The following RIN3 variants were observed in gnomAD, a reference collection of about 807,000 sequenced individuals.
The protein encoded by RIN3 is Ras and Rab interactor 3, also known as RAB5 interacting protein 3.
Under a neutral mutation model 76.3 loss-of-function variants are expected in RIN3, and 54 were observed. The ratio of observed to expected loss-of-function variants is 0.71; its 90% CI spans 0.57 to 0.89. The LOEUF is 0.89. Ranked by LOEUF, RIN3 falls within the 40% of genes least tolerant of loss-of-function variation. The pLI is 0.00. For synonymous variants in RIN3, 576 were observed against 564.0 expected (o/e 1.02, Z -0.30); for missense variants, 1,256 against 1,322.1 (o/e 0.95, Z 0.78).
chr14:92,686,908 G>C (rs560282767), intron 9 of RIN3: 1 of 152,368 alleles, frequency 6.6e-6, no homozygotes, highest in Non-Finnish European at 1.5e-5. Flanking sequence ...AGTGGGCCGG[G>C]CTTTTCCCCT....
chr14:92,674,143 G>A (rs118011308), intron 7 of RIN3, among the ~76,000 whole-genome samples: 21 of 152,240 alleles, frequency 1.4e-4, no homozygotes, highest in Non-Finnish European at 2.6e-4. Flanking sequence ...CGGGCACCTC[G>A]TTCTCCAACC....
At chr14:92,558,190 A>G (rs1897655023) in intron 2 of RIN3, among the ~76,000 whole-genome samples, 1 of 152,170 alleles carries the variant, frequency 6.6e-6, no homozygotes. Context: ...CTCTACAAAA[A>G]ATACAAAAAT....
intron 3 of RIN3, among the ~76,000 whole-genome samples, chr14:92,603,601 C>T (rs1885420814): frequency 6.6e-6 from 1 of 152,224 alleles, no homozygotes; most frequent in Admixed American, 6.5e-5. Flanking sequence ...GCTTTGGGCT[C>T]TGCCTGGAGC....
intron 1 of RIN3, among the ~76,000 whole-genome samples, chr14:92,543,632 T>C (rs1251983741): frequency 1.3e-5 from 2 of 149,506 alleles, no homozygotes; most frequent in African/African-American, 4.9e-5. Context: ...TTTTTTTTTT[T>C]TTTTTTTTTT....
chr14:92,682,055 G>T (rs147701002), intron 8 of RIN3, among the ~76,000 whole-genome samples: 1,839 of 151,976 alleles, frequency 0.012, 29 homozygotes, highest in African/African-American at 0.042. Context: ...CCCAGCTAAT[G>T]TTTGTATTTT....
chr14:92,641,074 T>C (rs1226498720), intron 4 of RIN3, among the ~76,000 whole-genome samples, 164 bp from the exon 5 acceptor site: 1 of 152,112 alleles, frequency 6.6e-6, no homozygotes, highest in East Asian at 1.9e-4. Flanking sequence ...AGAGTTGACT[T>C]GATGCTCCTT....
intron 2 of RIN3, among the ~76,000 whole-genome samples, chr14:92,564,526 G>A (rs932800835): frequency 1.3e-5 from 2 of 152,174 alleles, no homozygotes; most frequent in South Asian, 2.1e-4. Context: ...CCTTGCTATA[G>A]ACTGGAAAAA....
chr14:92,688,253 G>T lies in RIN3; in HGVS notation c.*1G>T. On this transcript the variant is annotated 3_prime_UTR_variant, in exon 10 of 10. Transcript: ENST00000216487. ...GGTGCGGGAGCCCAACTTCCTGTGA[G>T]GCCCTCCCGGGGCGCCTCCCCTCAC... 6.4e-7 allele frequency: 1 copy of T among 1,574,330 alleles called. No individual in the cohort carries two copies.
chr14:92,538,499 T>C lies in RIN3; in HGVS notation c.45-17252T>C, dbSNP rs1350840694. Among the ~76,000 whole-genome samples the C allele has an allele frequency of 2.6e-5, 4 of 152,202 alleles. No homozygotes were observed. The South Asian group carries it at 6.2e-4, about 24-fold the overall frequency. ...AGACACTGGAACACAAAGCTTGAGTTTGGGGGAGACCAGCATGTTACAGGC... is the reference window on the plus strand; with the variant it reads ...AGACACTGGAACACAAAGCTTGAGTCTGGGGGAGACCAGCATGTTACAGGC... On this transcript the variant is annotated intron_variant, in intron 1 of 9. Coordinates refer to ENST00000216487, the MANE Select transcript of RIN3 (RefSeq NM_024832.5).
chr14:92,535,748 C>T (rs1474143760), intron 1 of RIN3, among the ~76,000 whole-genome samples: 1 of 147,728 alleles, frequency 6.8e-6, no homozygotes, highest in African/African-American at 2.5e-5. Flanking sequence ...GACCTTGGCT[C>T]ACTGCAACCT....
At chr14:92,673,749 G>A (rs542456070) in intron 7 of RIN3, among the ~76,000 whole-genome samples, 1 of 152,160 alleles carries the variant, frequency 6.6e-6, no homozygotes, top group African/African-American at 2.4e-5. Flanking sequence ...CAGGTGATCC[G>A]CATGCGTCGG....
rs554901791 is a variant in RIN3 at position 92,648,324 on chromosome 14, C to G, written c.533-3258C>G. Among the ~76,000 whole-genome samples the G allele has an allele frequency of 6.6e-6, 1 of 152,288 alleles. No homozygotes were observed. The highest frequency in any genetic ancestry group is 1.9e-4 in the East Asian group (1 of 5,176). ...GGCCGAGAGCCTATTTGCCTGAACCCGTGTCTGCTCTGTTCCTGCCAAAAT... is the reference window on the plus strand; with the variant it reads ...GGCCGAGAGCCTATTTGCCTGAACCGGTGTCTGCTCTGTTCCTGCCAAAAT... On this transcript the variant is annotated intron_variant, in intron 5 of 9. Coordinates refer to ENST00000216487, the MANE Select transcript of RIN3 (RefSeq NM_024832.5). The surrounding 1 kb of genome is among the most constrained non-coding windows in gnomAD (Gnocchi z 4.1).
chr14:92,624,483 C>T (rs1474372003), intron 4 of RIN3, among the ~76,000 whole-genome samples: 1 of 152,152 alleles, frequency 6.6e-6, no homozygotes, highest in Non-Finnish European at 1.5e-5. Context: ...GGCTTTAGAA[C>T]CGCTAGCGGG....
chr14:92,667,908 C>G (rs1328206197), intron 7 of RIN3, among the ~76,000 whole-genome samples: 1 of 151,900 alleles, frequency 6.6e-6, no homozygotes, highest in Non-Finnish European at 1.5e-5. Context: ...GAGAGCTTTC[C>G]TTCTCCAAAA....
chr14:92,631,693 C>T lies in RIN3; in HGVS notation c.441-9545C>T, dbSNP rs1052845884. ...TGGGCTCACTGCATCCTCCACCTCC[C>T]GAGTTCAAGCGATTCTCCCGCCTCA... On this transcript the variant is annotated intron_variant, in intron 4 of 9. Coordinates refer to ENST00000216487, the MANE Select transcript of RIN3 (RefSeq NM_024832.5). 3.9e-5 allele frequency among the ~76,000 whole-genome samples: 6 copies of T among 152,152 alleles called. No homozygotes were observed. In the East Asian group the frequency reaches 7.8e-4, roughly 20 times the overall value.
Position 92,590,139 on chromosome 14 carries a change from G to C in RIN3, c.367+12662G>C, listed in dbSNP as rs543411836. ...CATCTAGGGGCCTCCACACTTTTGT[G>C]AGTTTTACCACCAGTAGCTTGACCA... On this transcript the variant is annotated intron_variant, in intron 3 of 9. Coordinates refer to ENST00000216487, the MANE Select transcript of RIN3 (RefSeq NM_024832.5). Among the ~76,000 whole-genome samples, 8 of 152,318 alleles carry C rather than the reference G, an allele frequency of 5.3e-5. No homozygotes were observed. The South Asian group carries it at 8.3e-4, about 16-fold the overall frequency.
intron 1 of RIN3, among the ~76,000 whole-genome samples, chr14:92,554,039 C>G (rs1019511538): frequency 3.3e-5 from 5 of 152,128 alleles, no homozygotes; most frequent in African/African-American, 1.2e-4. Context: ...ATCCCTGGTA[C>G]CCCTGGGCAA....
At chr14:92,637,664 TTGA>T (rs1298969542) in intron 4 of RIN3, among the ~76,000 whole-genome samples, 2 of 152,168 alleles carry the variant, frequency 1.3e-5, no homozygotes, top group African/African-American at 4.8e-5. Context: ...TTAACAAATG[TTGA>T]CAATAGCACT....
chr14:92,543,607 C>T (rs1897173802), intron 1 of RIN3, among the ~76,000 whole-genome samples: 1 of 142,574 alleles, frequency 7.0e-6, no homozygotes, highest in South Asian at 2.3e-4. Flanking sequence ...TGCTACACAT[C>T]AAGGCTTTTG....
Sources: allele counts gnomAD v4.1 joint callset (sites outside exome capture counted in the v4.1 genomes callset), GRCh38; gene constraint gnomAD v4.1.1; non-coding constraint Gnocchi (gnomAD v3.1); transcripts MANE v1.5; gene names NCBI Gene and HGNC (gene_info 2026-07-23, HGNC 2026-07-21).